CROCC: variants seen among roughly 807,000 people sequenced by gnomAD.
CROCC encodes rootletin.
Under a neutral mutation model 245.2 loss-of-function variants are expected in CROCC, and 180 were observed. The observed-to-expected ratio is 0.73, with a 90% confidence interval of 0.65 to 0.83. The LOEUF (loss-of-function observed/expected upper bound fraction) is 0.83. CROCC is among the 40% of genes least tolerant of loss of function. CROCC has a pLI of 0.00. For missense variants in CROCC, 2,688 were observed against 2,779.4 expected (o/e 0.97, Z 0.74); for synonymous variants, 1,205 against 1,241.6 (o/e 0.97, Z 0.62).
At position 16,966,248 on chromosome 1, in the gene CROCC, C is replaced by T. The variant is rs938904954; in HGVS notation, c.4696+129C>T. ...GACTCGGGGCTGTCTCCAAGAGGAC[C>T]CTCCTTGGACAGCCTCACCTGTGTG... On this transcript the variant is annotated intron_variant, in intron 29 of 36. Transcript: ENST00000375541. The surrounding 1 kb of genome is among the most constrained non-coding windows in gnomAD (Gnocchi z 4.8). 1 of 1,445,148 alleles carries T rather than the reference C, an allele frequency of 6.9e-7. No individual in the cohort carries two copies. Among genetic ancestry groups the T allele is most frequent in the African/African-American group, 1.4e-5 (1 of 70,720 alleles). 89.5% of individuals were successfully genotyped at this position (1,445,148 alleles called of 1,614,324 possible).
chr1:16,949,564 T>C (rs1204190598), intron 19 of CROCC, among the ~76,000 whole-genome samples: 1 of 152,210 alleles, frequency 6.6e-6, no homozygotes, highest in East Asian at 1.9e-4. Flanking sequence ...GGTATGTTCA[T>C]GTCAGTCATT....
Position 16,948,370 on chromosome 1 carries a change from C to CAGGCCCGGCGGG in CROCC, c.2561_2572dup (p.Arg854_Ala857dup). The CAGGCCCGGCGGG allele has an allele frequency of 1.3e-6, 2 of 1,578,736 alleles. No homozygotes were observed. The highest frequency in any genetic ancestry group is 1.7e-6 in the Non-Finnish European group (2 of 1,165,672). On this transcript the variant is annotated inframe_insertion, in exon 18 of 37. Transcript: ENST00000375541. ...GAGCGGGCGGGAGCAGGAGCTGGAG[C>CAGGCCCGGCGGG]AGGCCCGGCGGGAGGCCCAGCGGCA...
At chr1:16,921,899 C>A (rs1409471947), upstream of CROCC, 1 of 1,102,694 alleles carries the variant, frequency 9.1e-7, no homozygotes, top group Non-Finnish European at 1.3e-6. Flanking sequence ...GGGGCGCCGC[C>A]GGATTTAAGC....
intron 8 of CROCC, among the ~76,000 whole-genome samples, chr1:16,932,839 T>C (rs1360299780): frequency 2.6e-5 from 4 of 152,286 alleles, no homozygotes; most frequent in African/African-American, 7.2e-5. Context: ...TTTCATTTAG[T>C]GCGTTAAAAA....
chr1:16,970,550 T>C, intron 34 of CROCC, 86 bp from the exon 35 acceptor site: 1 of 1,475,168 alleles, frequency 6.8e-7, no homozygotes, highest in Non-Finnish European at 9.0e-7. Context: ...CTGGTGGGGT[T>C]AGGTTATTCC....
chr1:16,935,364 T>C (rs1373836256), intron 8 of CROCC, among the ~76,000 whole-genome samples: 4 of 152,264 alleles, frequency 2.6e-5, no homozygotes, highest in African/African-American at 9.6e-5. Flanking sequence ...CTACTAGTTA[T>C]AACTGGGAGG....
chr1:16,918,979 G>A (rs1447525102), upstream of CROCC, among the ~76,000 whole-genome samples: 14 of 152,248 alleles, frequency 9.2e-5, no homozygotes, highest in Non-Finnish European at 2.1e-4. Flanking sequence ...TCAAGTGATC[G>A]ACCTGCCTCG....
chr1:16,953,657 T>A (rs667158), intron 21 of CROCC, 176 bp downstream of exon 21: 1 of 594,472 alleles, frequency 1.7e-6, no homozygotes, highest in Non-Finnish European at 2.9e-6. Context: ...GAGGCTTTGC[T>A]GTGCTCCATG....
Position 16,966,661 on chromosome 1 carries a change from C to A in CROCC, c.4860+90C>A. The A allele has an allele frequency of 7.3e-7, 1 of 1,375,418 alleles. No individual in the cohort carries two copies. Among genetic ancestry groups the A allele is most frequent in the Non-Finnish European group, 9.5e-7 (1 of 1,051,926 alleles). 85.2% of individuals were successfully genotyped at this position (1,375,418 alleles called of 1,614,324 possible). A position where few individuals can be genotyped will look rare whatever the true frequency, so the allele number is the denominator to read the frequency against. On this transcript the variant is annotated intron_variant, in intron 30 of 36. Transcript: ENST00000375541. The surrounding 1 kb of genome is among the most constrained non-coding windows in gnomAD (Gnocchi z 4.8). ...CTTATGTGTGTCTCCCTGTGTCTGT[C>A]TGCCTGAGTCTCTCTGCAACCCACT...
intron 3 of CROCC, among the ~76,000 whole-genome samples, chr1:16,928,420 G>C (rs1231684485): frequency 1.3e-5 from 2 of 152,266 alleles, no homozygotes; most frequent in Non-Finnish European, 2.9e-5. Flanking sequence ...CTGAGGATGT[G>C]CGGGATGGAA....
rs941474893 is a variant in CROCC at position 16,972,548 on chromosome 1, A to G, written c.*102A>G. The G allele has an allele frequency of 4.4e-5, 34 of 768,944 alleles. No individual in the cohort carries two copies. The highest frequency in any genetic ancestry group is 6.7e-5 in the Non-Finnish European group (33 of 491,054). 47.6% of individuals were successfully genotyped at this position (768,944 alleles called of 1,614,324 possible). A position where few individuals can be genotyped will look rare whatever the true frequency, so the allele number is the denominator to read the frequency against. ...AGAGCCCGGTCCCTTGGGGGCCTCA[A>G]GCTGGGGTGGGATGAGGAGGCGCTC... On this transcript the variant is annotated 3_prime_UTR_variant, in exon 37 of 37. Coordinates refer to ENST00000375541, the MANE Select transcript of CROCC (RefSeq NM_014675.5).
chr1:16,964,728 G>A (rs567761373), intron 27 of CROCC, among the ~76,000 whole-genome samples: 5 of 152,278 alleles, frequency 3.3e-5, no homozygotes, highest in African/African-American at 1.2e-4. Flanking sequence ...GTGTTACCCA[G>A]GCTGGAGTGC....
rs559923444 is a variant in CROCC at position 16,914,335 on chromosome 1, G to A, written n.126-15951G>A. On this transcript the variant is annotated intron_variant and non_coding_transcript_variant, in intron 1 of 8. Coordinates refer to the CROCC transcript ENST00000466256. The stretch of plus-strand genomic sequence containing the variant: ...CGCGGATGCCCCGCCGCGTCCTGCC[G>A]CCCATCCTGCCCGGATTGTCGCGGG... Among the ~76,000 whole-genome samples the A allele has an allele frequency of 3.2e-3, 482 of 152,284 alleles. 3 individuals are homozygous for A. Among genetic ancestry groups the A allele is most frequent in the Non-Finnish European group, 5.4e-3 (364 of 67,992 alleles).
chr1:16,926,750 A>G lies in CROCC; in HGVS notation c.351+2271A>G, dbSNP rs527754948. Among the ~76,000 whole-genome samples the G allele has an allele frequency of 3.3e-5, 5 of 152,386 alleles. No homozygotes were observed. In the East Asian group the frequency reaches 9.6e-4, roughly 29 times the overall value. On this transcript the variant is annotated intron_variant, in intron 3 of 36. Transcript: ENST00000375541. Reference sequence around the variant, plus strand: ...GAGTGGTCACGCCTCCCTTGGCTCCAGAGGACAGACCCCCTGGGCTCCCTC... The same window carrying G: ...GAGTGGTCACGCCTCCCTTGGCTCCGGAGGACAGACCCCCTGGGCTCCCTC...
chr1:16,951,339 T>C, intron 20 of CROCC: 1 of 417,442 alleles, frequency 2.4e-6, no homozygotes, highest in Non-Finnish European at 4.3e-6. Context: ...GTAATCCTGA[T>C]GCAGAGGGTC....
chr1:16,922,359 C>T (rs2075427295), intron 1 of CROCC, among the ~76,000 whole-genome samples: 1 of 152,288 alleles, frequency 6.6e-6, no homozygotes, highest in Non-Finnish European at 1.5e-5. Context: ...ATAGCCAGAT[C>T]CTCATCCATC....
intron 17 of CROCC, 116 bp downstream of exon 17, chr1:16,947,107 A>G: frequency 1.0e-6 from 1 of 984,856 alleles, no homozygotes; most frequent in Non-Finnish European, 1.5e-6. Context: ...CTTCTGGGTT[A>G]AATCCAGCCC....
Position 16,968,216 on chromosome 1 carries a change from A to G in CROCC, c.4874A>G (p.Lys1625Arg). Reference sequence around the variant, plus strand: ...TGCCACCTGCAGGAGAAGATCAGCAAGATGAAGGCCAATGAGACAAAGCTG... The same window carrying G: ...TGCCACCTGCAGGAGAAGATCAGCAGGATGAAGGCCAATGAGACAAAGCTG... ...ELRASQEKISKMKANETKLEG... is the reference protein window; with the variant it reads ...ELRASQEKISRMKANETKLEG... Residue 1625 changes from lysine (K) to arginine (R), a missense_variant, in exon 31 of 37, where the codon AAG (lysine) becomes AGG (arginine). Physicochemically the swap from Lys to Arg is conservative, Grantham distance 26. Coordinates refer to ENST00000375541, the MANE Select transcript of CROCC (RefSeq NM_014675.5). 6.4e-7 allele frequency: 1 copy of G among 1,565,228 alleles called. No homozygotes were observed. The highest frequency in any genetic ancestry group is 1.9e-5 in the Admixed American group (1 of 52,664).
upstream of CROCC, among the ~76,000 whole-genome samples, chr1:16,920,636 G>T (rs1470891943): frequency 2.6e-5 from 4 of 152,236 alleles, no homozygotes; most frequent in Admixed American, 2.6e-4. Flanking sequence ...CTCCAGAGCT[G>T]TGCGCCTAAG....
Sources: allele counts gnomAD v4.1 joint callset (sites outside exome capture counted in the v4.1 genomes callset), GRCh38; gene constraint gnomAD v4.1.1; non-coding constraint Gnocchi (gnomAD v3.1); transcripts MANE v1.5; gene names NCBI Gene and HGNC (gene_info 2026-07-23, HGNC 2026-07-21).